The following TJP1 variants were observed in gnomAD, a reference collection of about 807,000 sequenced individuals.
TJP1 encodes the protein tight junction protein 1.
TJP1 carries 43 observed loss-of-function variants against 194.2 expected under a neutral mutation model. The ratio of observed to expected loss-of-function variants is 0.22; its 90% CI spans 0.17 to 0.29. The LOEUF (loss-of-function observed/expected upper bound fraction) is 0.29. TJP1 is among the 10% of genes least tolerant of loss of function. The pLI, the probability that TJP1 is intolerant of heterozygous loss-of-function variation, is 1.00. For synonymous variants in TJP1, 801 were observed against 779.0 expected (o/e 1.03, Z -0.47); for missense variants, 1,971 against 2,185.7 (o/e 0.90, Z 1.96).
intron 2 of TJP1, among the ~76,000 whole-genome samples, chr15:29,860,565 T>C (rs1361562121): frequency 6.6e-6 from 1 of 152,056 alleles, no homozygotes; most frequent in East Asian, 1.9e-4. Context: ...TTACCCTGAG[T>C]TTTCAAGGTT....
At chr15:29,783,866 A>G (rs888832669) in intron 2 of TJP1, among the ~76,000 whole-genome samples, 2 of 152,192 alleles carry the variant, frequency 1.3e-5, no homozygotes, top group African/African-American at 4.8e-5. Flanking sequence ...GCTTAGTACT[A>G]GGTGACAAAA....
At chr15:29,828,735 CT>C (rs60018975) in intron 2 of TJP1, among the ~76,000 whole-genome samples, 100,986 of 133,130 alleles carry the variant, frequency 0.76, 38,185 homozygotes, top group East Asian at 0.84. Context: ...TGAATTGAGT[CT>C]TTTTTTTTTT....
intron 2 of TJP1, among the ~76,000 whole-genome samples, chr15:29,903,521 T>A (rs1401160579): frequency 6.6e-6 from 1 of 152,004 alleles, no homozygotes; most frequent in Non-Finnish European, 1.5e-5. Flanking sequence ...CTCGGCTCAC[T>A]GCAACCTCTG....
intron 2 of TJP1, among the ~76,000 whole-genome samples, chr15:29,938,697 C>T (rs2054965449): frequency 6.6e-6 from 1 of 152,154 alleles, no homozygotes; most frequent in Non-Finnish European, 1.5e-5. Flanking sequence ...CAATTGCTTC[C>T]AGCAATTCGA....
chr15:29,725,382 A>G (rs973261021), intron 18 of TJP1, among the ~76,000 whole-genome samples: 13 of 152,186 alleles, frequency 8.5e-5, no homozygotes, highest in African/African-American at 1.9e-4. Context: ...GGGGGGTCCT[A>G]AGCATGCAGC....
At chr15:29,957,195 T>C (rs764574918) in intron 1 of TJP1, among the ~76,000 whole-genome samples, 3 of 152,094 alleles carry the variant, frequency 2.0e-5, no homozygotes, top group Non-Finnish European at 4.4e-5. Context: ...AAGTAGCAAA[T>C]AGTATAAGCC....
At chr15:29,826,088 A>C (rs2097812680), upstream of TJP1, among the ~76,000 whole-genome samples, 1 of 152,208 alleles carries the variant, frequency 6.6e-6, no homozygotes, top group South Asian at 2.1e-4. Context: ...TATTATGTAC[A>C]TATTACCACA....
At chr15:29,751,352 G>A (rs1429778606) in intron 8 of TJP1, among the ~76,000 whole-genome samples, 1 of 152,166 alleles carries the variant, frequency 6.6e-6, no homozygotes, top group Admixed American at 6.5e-5. Flanking sequence ...TCATGAGCAT[G>A]CTTCTGAAAA....
rs1186308921 is a variant in TJP1 at position 29,726,080 on chromosome 15, T to C, written c.2412+299A>G. Among the ~76,000 whole-genome samples, 3 of 152,200 alleles carry C rather than the reference T, an allele frequency of 2.0e-5. No individual in the cohort carries two copies. The East Asian group carries it at 5.8e-4, about 29-fold the overall frequency. On this transcript the variant is annotated intron_variant, in intron 18 of 27. Coordinates refer to ENST00000614355, the MANE Select transcript of TJP1 (RefSeq NM_001330239.4). ...ACTGAAGCCAGGCTCAAAGTCATCA[T>C]TCATAGCCAGACAGGGGCAGCATCA...
chr15:29,905,127 G>A lies in TJP1; in HGVS notation c.306+51105C>T, dbSNP rs78677708. Among the ~76,000 whole-genome samples the A allele has an allele frequency of 7.9e-3, 1,209 of 152,280 alleles. 12 individuals are homozygous for A. The highest frequency in any genetic ancestry group is 0.027 in the African/African-American group (1,105 of 41,558). ...ACAGCAGTCCTAGCAAACTGACAACGTAATTGACAGTATTACTGAGAGTGT... is the reference window on the plus strand; with the variant it reads ...ACAGCAGTCCTAGCAAACTGACAACATAATTGACAGTATTACTGAGAGTGT... On this transcript the variant is annotated intron_variant, in intron 2 of 28. Transcript: ENST00000356107.
chr15:29,834,226 A>ATTT lies in TJP1; in HGVS notation c.307-33527_307-33525dup, dbSNP rs879783769. Among the ~76,000 whole-genome samples, 96 of 124,048 alleles carry ATTT rather than the reference A, an allele frequency of 7.7e-4. No homozygotes were observed. In the East Asian group the frequency reaches 0.021, roughly 27 times the overall value. 81.4% of individuals were successfully genotyped at this position (124,048 alleles called of 152,430 possible). A position where few individuals can be genotyped will look rare whatever the true frequency, so the allele number is the denominator to read the frequency against. On this transcript the variant is annotated intron_variant, in intron 2 of 28. Transcript: ENST00000356107. The stretch of plus-strand genomic sequence containing the variant: ...TTAAGAATCTTGTGAGTAAATAGGG[A>ATTT]TTTTTTTTTTTTTTGAGACAAAGTC...
At chr15:29,850,595 A>G (rs2051603897) in intron 2 of TJP1, among the ~76,000 whole-genome samples, 2 of 151,960 alleles carry the variant, frequency 1.3e-5, no homozygotes, top group Non-Finnish European at 2.9e-5. Context: ...TTGGCCTCCC[A>G]AAGTGCTGGG....
At chr15:29,862,679 G>A (rs1210479874) in intron 2 of TJP1, among the ~76,000 whole-genome samples, 1 of 136,182 alleles carries the variant, frequency 7.3e-6, no homozygotes, top group Non-Finnish European at 1.5e-5. Context: ...ACAGAGTCTC[G>A]CTCTGTCACC....
chr15:29,843,544 G>A (rs912050202), intron 2 of TJP1, among the ~76,000 whole-genome samples: 2 of 152,182 alleles, frequency 1.3e-5, no homozygotes, highest in African/African-American at 4.8e-5. Context: ...CCATTCCTAA[G>A]ATGAAGAAAG....
At position 29,708,931 on chromosome 15, in the gene TJP1, G is replaced by A; in HGVS notation, c.4478C>T (p.Thr1493Ile). Residue 1493 changes from threonine to isoleucine, a missense_variant, in exon 25 of 28, where the codon ACT (threonine) becomes ATT (isoleucine). Thr to Ile is a moderately conservative substitution (Grantham distance 89). This residue lies in a region of TJP1 where 1,108 missense variants were observed against 1,128.5 expected (regional missense o/e 0.98). Transcript: ENST00000614355. ...ATFRPPNRED[T>I]AQAAFYPQKS... The stretch of plus-strand genomic sequence containing the variant: ...CTGGGGATAGAAAGCTGCCTGAGCA[G>A]TATCTTCTCGGTTTGGTGGTCTGAA... 6.2e-7 allele frequency: 1 copy of A among 1,614,196 alleles called. No individual in the cohort carries two copies. Among genetic ancestry groups the A allele is most frequent in the Non-Finnish European group, 8.5e-7 (1 of 1,180,038 alleles).
chr15:29,902,708 T>A (rs941145047), intron 2 of TJP1, among the ~76,000 whole-genome samples: 2 of 152,054 alleles, frequency 1.3e-5, no homozygotes, highest in African/African-American at 4.8e-5. Flanking sequence ...CAAGTTAACA[T>A]CTCAGTTGTT....
At chr15:29,740,833 A>G (rs574304536) in intron 10 of TJP1, among the ~76,000 whole-genome samples, 2 of 152,122 alleles carry the variant, frequency 1.3e-5, no homozygotes, top group African/African-American at 2.4e-5. Context: ...TTTGCCCCCA[A>G]GGAAACATCT....
chr15:29,955,649 G>A (rs145377614), intron 2 of TJP1, among the ~76,000 whole-genome samples: 2 of 150,968 alleles, frequency 1.3e-5, no homozygotes, highest in Admixed American at 1.3e-4. Context: ...TACTTGGGAG[G>A]CTGATGTGGG....
chr15:29,774,416 T>C (rs900941826), intron 2 of TJP1, among the ~76,000 whole-genome samples: 5 of 152,094 alleles, frequency 3.3e-5, no homozygotes, highest in Admixed American at 6.5e-5. Context: ...CAATGAAACA[T>C]TGTGTGTAAA....
Sources: allele counts gnomAD v4.1 joint callset (sites outside exome capture counted in the v4.1 genomes callset), GRCh38; gene constraint gnomAD v4.1.1; regional missense constraint gnomAD v4.1.1; transcripts MANE v1.5; gene names NCBI Gene and HGNC (gene_info 2026-07-23, HGNC 2026-07-21).